Variants in INSR observed in about 807,000 individuals in gnomAD.
INSR encodes insulin receptor.
INSR carries 67 observed loss-of-function variants against 142.6 expected under a neutral mutation model. That is an observed-to-expected ratio of 0.47 (90% CI 0.39 to 0.58). The LOEUF is 0.58. Among genes scored for constraint, INSR ranks in the 20% least tolerant of loss-of-function variants. The pLI, the probability that INSR is intolerant of heterozygous loss-of-function variation, is 0.00. For synonymous variants in INSR, 756 were observed against 743.1 expected (o/e 1.02, Z -0.28); for missense variants, 1,248 against 1,833.2 (o/e 0.68, Z 5.83).
In INSR at chr19:7,119,558, T is replaced by C. The variant is rs754327246; in HGVS notation, c.3685A>G (p.Ile1229Val). The change falls in exon 21 of 22, where the codon ATC becomes GTC. Residue 1229 changes from isoleucine (I) to valine (V), a missense_variant. Physicochemically the swap from Ile to Val is conservative, Grantham distance 29. This residue lies in a region of INSR where 1,069 missense variants were observed against 1,654.0 expected (regional missense o/e 0.65). Coordinates refer to ENST00000302850, the MANE Select transcript of INSR (RefSeq NM_000208.4). The surrounding 1 kb of genome is among the most constrained non-coding windows in gnomAD (Gnocchi z 5.2). Reference protein sequence around the residue: ...MWSFGVVLWEITSLAEQPYQG... With the variant: ...MWSFGVVLWEVTSLAEQPYQG... ...TAAGGCTGTTCTGCCAAGCTGGTGA[T>C]TTCCCAAAGGACCACGCCAAAGGAC... 5.6e-6 allele frequency: 9 copies of C among 1,614,114 alleles called. No homozygotes were observed. Among genetic ancestry groups the C allele is most frequent in the Non-Finnish European group, 7.6e-6 (9 of 1,180,024 alleles).
chr19:7,121,376 T>A (rs1349175690), intron 19 of INSR, among the ~76,000 whole-genome samples: 1 of 152,230 alleles, frequency 6.6e-6, no homozygotes, highest in Non-Finnish European at 1.5e-5. Flanking sequence ...AATGTCGAGA[T>A]GACTTGCTGT....
Position 7,119,899 on chromosome 19 carries a change from C to T in INSR, c.3660-316G>A, listed in dbSNP as rs1972446178. Among the ~76,000 whole-genome samples, 1 of 127,360 alleles carries T rather than the reference C, an allele frequency of 7.9e-6. No individual in the cohort carries two copies. The highest frequency in any genetic ancestry group is 2.4e-4 in the South Asian group (1 of 4,240). 83.6% of individuals were successfully genotyped at this position (127,360 alleles called of 152,430 possible). ...ACAAACACACATATGCACACACATA[C>T]ACACACAAACACACACACAAACACA... is the stretch of plus-strand genomic sequence containing the variant. On this transcript the variant is annotated intron_variant, in intron 20 of 21. Transcript: ENST00000302850. The surrounding 1 kb of genome is among the most constrained non-coding windows in gnomAD (Gnocchi z 5.2).
At chr19:7,274,083 C>A (rs1034237602) in intron 1 of INSR, among the ~76,000 whole-genome samples, 1 of 151,994 alleles carries the variant, frequency 6.6e-6, no homozygotes, top group Non-Finnish European at 1.5e-5. Context: ...GGTCCCCAAC[C>A]TTTTTGGCAC....
intron 2 of INSR, among the ~76,000 whole-genome samples, chr19:7,196,467 A>G (rs1026109449): frequency 3.3e-5 from 5 of 152,186 alleles, no homozygotes; most frequent in Non-Finnish European, 5.9e-5. Flanking sequence ...AAAGCGACCA[A>G]TTTGTCCAAA....
chr19:7,142,369 G>A (rs1477295778), intron 12 of INSR, among the ~76,000 whole-genome samples: 34 of 113,160 alleles, frequency 3.0e-4, no homozygotes, highest in Non-Finnish European at 5.2e-4. Flanking sequence ...CAGCCTGGGC[G>A]ACAGAGCAAG....
At position 7,192,626 on chromosome 19, in the gene INSR, C is replaced by A. The variant is rs1974633695; in HGVS notation, c.653-7989G>T. ...GCAGACTTGCAGGAAAATGCCAAAC[C>A]GTCCGGGGGCTGTCACTCCCTCACA... is the stretch of plus-strand genomic sequence containing the variant. On this transcript the variant is annotated intron_variant, in intron 2 of 21. Transcript: ENST00000302850. This position sits in a 1 kb window ranked among gnomAD's most constrained non-coding sequence, Gnocchi z 4.2. 6.6e-6 allele frequency among the ~76,000 whole-genome samples: 1 copy of A among 152,184 alleles called. No individual in the cohort carries two copies. The highest frequency in any genetic ancestry group is 2.4e-5 in the African/African-American group (1 of 41,448).
Position 7,153,012 on chromosome 19 carries a change from A to T in INSR, c.2030-85T>A, listed in dbSNP as rs1209016669. On this transcript the variant is annotated intron_variant, in intron 9 of 21. Transcript: ENST00000302850. ...ACACACACACCCCACACACACACAC[A>T]CCACACACACACACCACACACACAC... The T allele has an allele frequency of 1.1e-5, 6 of 541,786 alleles. No individual in the cohort carries two copies. The African/African-American group carries it at 2.5e-4, about 22-fold the overall frequency. 33.6% of individuals were successfully genotyped at this position (541,786 alleles called of 1,614,324 possible). A position where few individuals can be genotyped will look rare whatever the true frequency, so the allele number is the denominator to read the frequency against.
At chr19:7,226,375 A>G (rs2145114032) in intron 2 of INSR, among the ~76,000 whole-genome samples, 1 of 135,680 alleles carries the variant, frequency 7.4e-6, no homozygotes, top group South Asian at 2.7e-4. Flanking sequence ...GCACCACTGC[A>G]CTCCAGCCTG....
At chr19:7,142,384 C>T (rs1399087196) in intron 12 of INSR, among the ~76,000 whole-genome samples, 2 of 78,342 alleles carry the variant, frequency 2.6e-5, no homozygotes, top group African/African-American at 1.2e-4. Flanking sequence ...AGCAAGACTT[C>T]ATCTCAAAAA....
At chr19:7,133,092 T>C (rs1205178371) in intron 13 of INSR, among the ~76,000 whole-genome samples, 1 of 151,890 alleles carries the variant, frequency 6.6e-6, no homozygotes, top group Non-Finnish European at 1.5e-5. Context: ...CCAGACCCCA[T>C]TTCCACAGAA....
Position 7,286,629 on chromosome 19 carries a change from C to T in INSR, c.100+7163G>A, listed in dbSNP as rs999112003. Among the ~76,000 whole-genome samples, 16 of 152,060 alleles carry T rather than the reference C, an allele frequency of 1.1e-4. No individual in the cohort carries two copies. In the East Asian group the frequency reaches 2.9e-3, roughly 28 times the overall value. On this transcript the variant is annotated intron_variant, in intron 1 of 21. Transcript: ENST00000302850. ...TCTCAAACTGCTGGCTTCAAGTGTT[C>T]CTCCCACCTCAGCTTCCTAAAAAGT... is the stretch of plus-strand genomic sequence containing the variant.
chr19:7,253,373 G>A (rs1159175349), intron 2 of INSR, among the ~76,000 whole-genome samples: 1 of 151,928 alleles, frequency 6.6e-6, no homozygotes, highest in East Asian at 2.0e-4. Flanking sequence ...CGAGTAGCTG[G>A]GATTACAGGT....
At chr19:7,141,375 CAAAT>C (rs942986519) in intron 13 of INSR, 11 of 416,504 alleles carry the variant, frequency 2.6e-5, no homozygotes, top group Non-Finnish European at 4.5e-5. Context: ...TTTTAAGACT[CAAAT>C]AACTCCTTCT....
Position 7,160,995 on chromosome 19 carries a change from C to CAAAA in INSR, c.2029+2033_2029+2036dup, listed in dbSNP as rs371302865. Among the ~76,000 whole-genome samples, 138 of 101,774 alleles carry CAAAA rather than the reference C, an allele frequency of 1.4e-3. No individual in the cohort carries two copies. In the East Asian group the frequency reaches 0.024, roughly 18 times the overall value. The allele number at this position is 101,774 out of a possible 152,430, so 66.8% of individuals were successfully genotyped here. A position where few individuals can be genotyped will look rare whatever the true frequency, so the allele number is the denominator to read the frequency against. On this transcript the variant is annotated intron_variant, in intron 9 of 21. Coordinates refer to ENST00000302850, the MANE Select transcript of INSR (RefSeq NM_000208.4). ...TGGGTGACGGAGTGAGACTCCGTGTCAAAAAAAAAAAAAAAGAAAATAATA... is the reference window on the plus strand; with the variant it reads ...TGGGTGACGGAGTGAGACTCCGTGTCAAAAAAAAAAAAAAAAAAAGAAAATAATA...
chr19:7,170,457 A>G, intron 6 of INSR, 80 bp downstream of exon 6: 1 of 1,025,194 alleles, frequency 9.8e-7, no homozygotes, highest in South Asian at 1.3e-5. Context: ...AACCATCCCC[A>G]CCCACCACCA....
intron 2 of INSR, among the ~76,000 whole-genome samples, chr19:7,208,109 C>G (rs1975166819): frequency 6.6e-6 from 1 of 152,110 alleles, no homozygotes; most frequent in African/African-American, 2.4e-5. Context: ...CTTCTTGGAA[C>G]TCATCTAAGT....
At position 7,216,161 on chromosome 19, in the gene INSR, A is replaced by G. The variant is rs1458210310; in HGVS notation, c.653-31524T>C. Among the ~76,000 whole-genome samples, 1 of 152,006 alleles carries G rather than the reference A, an allele frequency of 6.6e-6. No individual in the cohort carries two copies. Among genetic ancestry groups the G allele is most frequent in the Non-Finnish European group, 1.5e-5 (1 of 68,008 alleles). The stretch of plus-strand genomic sequence containing the variant: ...AACATGGTGAAACCCCGTCTCTACT[A>G]AAAGTACAAAAAATTAGCCAGGTGT... On this transcript the variant is annotated intron_variant, in intron 2 of 21. Transcript: ENST00000302850. The surrounding 1 kb of genome is among the most constrained non-coding windows in gnomAD (Gnocchi z 4.2).
At chr19:7,281,726 G>A (rs1968208350) in intron 1 of INSR, among the ~76,000 whole-genome samples, 2 of 152,080 alleles carry the variant, frequency 1.3e-5, no homozygotes, top group Non-Finnish European at 2.9e-5. Flanking sequence ...TAAAAAAGCA[G>A]TTGCATCCCT....
At chr19:7,179,336 C>T (rs1974217362) in intron 3 of INSR, among the ~76,000 whole-genome samples, 1 of 152,208 alleles carries the variant, frequency 6.6e-6, no homozygotes, top group East Asian at 1.9e-4. Flanking sequence ...CAAGATGCTG[C>T]CAGTGTCTGA....
Sources: gnomAD v4.1 joint callset for allele counts (sites outside exome capture counted in the v4.1 genomes callset) on GRCh38, gnomAD v4.1.1 for gene constraint, gnomAD v4.1.1 regional missense constraint, Gnocchi (gnomAD v3.1) non-coding constraint, MANE v1.5 for transcripts, NCBI Gene and HGNC (gene_info 2026-07-23, HGNC 2026-07-21) for gene names.